Variants in HOATZ observed in about 807,000 individuals in gnomAD.
The protein encoded by HOATZ is cilia- and flagella-associated protein HOATZ.
A neutral mutation model predicts 24.9 loss-of-function variants in HOATZ; 26 were observed. The observed-to-expected ratio is 1.04, with a 90% confidence interval of 0.76 to 1.45. The LOEUF (loss-of-function observed/expected upper bound fraction) is 1.45. Ranked by LOEUF, HOATZ falls within the 40% of genes most tolerant of loss-of-function variation. The pLI is 0.00. For missense variants in HOATZ, 226 were observed against 201.5 expected, an observed-to-expected ratio of 1.12 and a Z score of -0.74; for synonymous variants, 83 against 76.6, an observed-to-expected ratio of 1.08 and a Z score of -0.43.
At chr11:111,520,587 T>G (rs1470883544) in intron 3 of HOATZ, among the ~76,000 whole-genome samples, 1 of 152,250 alleles carries the variant, frequency 6.6e-6, no homozygotes, top group Middle Eastern at 3.2e-3. Context: ...CAAGTCATGC[T>G]ACAATGAGAA....
intron 3 of HOATZ, among the ~76,000 whole-genome samples, chr11:111,522,914 C>T (rs941954920): frequency 2.6e-5 from 4 of 152,044 alleles, no homozygotes; most frequent in African/African-American, 7.2e-5. Context: ...GGTGAAACCC[C>T]GTCTCTACTA....
intron 3 of HOATZ, among the ~76,000 whole-genome samples, 197 bp downstream of exon 3, chr11:111,516,307 T>C (rs1867198965): frequency 6.6e-6 from 1 of 152,042 alleles, no homozygotes; most frequent in Non-Finnish European, 1.5e-5. Flanking sequence ...TCAGCAAAAG[T>C]CCAAGAATGT....
rs763649488 is a variant in HOATZ, at chr11:111,516,085, A to C, written c.314A>C (p.Glu105Ala). The C allele has an allele frequency of 6.3e-7, 1 of 1,599,284 alleles. No homozygotes were observed. The highest frequency in any genetic ancestry group is 8.5e-7 in the Non-Finnish European group (1 of 1,171,330). The change falls in exon 3 of 6, where the codon GAG (glutamate) becomes GCG (alanine). Residue 105 changes from glutamate (E) to alanine (A), a missense_variant. Glu to Ala is a moderately radical substitution (Grantham distance 107, BLOSUM62 -1). Transcript: ENST00000375618. ...FAEALKIQES[E>A]EKVKYLQKAK... ...GAAGCCCTAAAGATACAGGAATCTG[A>C]GGAGAAAGTAAAGTATCTCCAAAAG...
chr11:111,534,755 A>C, intron 5 of HOATZ: 1 of 308,782 alleles, frequency 3.2e-6, no homozygotes, highest in Admixed American at 4.6e-5. Flanking sequence ...GGGCTATATA[A>C]TCACCCATCA....
Position 111,523,040 on chromosome 11 carries a change from G to A in HOATZ, c.339+6930G>A, listed in dbSNP as rs1482767386. Among the ~76,000 whole-genome samples the A allele has an allele frequency of 5.3e-5, 8 of 152,056 alleles. No homozygotes were observed. The South Asian group carries it at 1.2e-3, about 24-fold the overall frequency. On this transcript the variant is annotated intron_variant, in intron 3 of 5. Transcript: ENST00000375618. ...GCGGAGGTTGCAGTGAGCCAACATCGCGCCATTTAGCCTGGGCAACAAGAG... is the reference window on the plus strand; with the variant it reads ...GCGGAGGTTGCAGTGAGCCAACATCACGCCATTTAGCCTGGGCAACAAGAG...
intron 2 of HOATZ, 50 bp downstream of exon 2, chr11:111,515,602 A>C: frequency 6.9e-7 from 1 of 1,451,546 alleles, no homozygotes; most frequent in Admixed American, 1.7e-5. Flanking sequence ...TAGGTTCATC[A>C]GAAAATAGAC....
At chr11:111,530,932 T>C (rs1470302333) in intron 3 of HOATZ, among the ~76,000 whole-genome samples, 1 of 152,182 alleles carries the variant, frequency 6.6e-6, no homozygotes, top group Non-Finnish European at 1.5e-5. Flanking sequence ...AGAAATCAGA[T>C]CATATTTGAA....
rs1867457984 is a variant in HOATZ, at chr11:111,537,026, C to T, written c.*199C>T. 7.6e-6 allele frequency: 4 copies of T among 528,826 alleles called. No individual in the cohort carries two copies. The highest frequency in any genetic ancestry group is 5.7e-5 in the African/African-American group (3 of 52,820). The allele number at this position is 528,826 out of a possible 1,614,324, so 32.8% of individuals were successfully genotyped here. ...AAGAAATAAAGGTTAAATATGCAGGCTTCTATGAATTCTACCAGCTATTGA... is the reference window on the plus strand; with the variant it reads ...AAGAAATAAAGGTTAAATATGCAGGTTTCTATGAATTCTACCAGCTATTGA... On this transcript the variant is annotated 3_prime_UTR_variant, in exon 6 of 6. Coordinates refer to ENST00000375618, the MANE Select transcript of HOATZ (RefSeq NM_001100388.2).
At chr11:111,515,681 A>G in intron 2 of HOATZ, 129 bp downstream of exon 2, 1 of 763,666 alleles carries the variant, frequency 1.3e-6, no homozygotes, top group East Asian at 2.5e-5. Context: ...GTCCCTGCTC[A>G]GGGACCACCC....
intron 3 of HOATZ, among the ~76,000 whole-genome samples, chr11:111,518,847 C>T (rs901949541): frequency 7.9e-5 from 12 of 152,190 alleles, no homozygotes; most frequent in Non-Finnish European, 1.8e-4. Flanking sequence ...ACTCAAATGC[C>T]AGCTTCTGTG....
intron 3 of HOATZ, among the ~76,000 whole-genome samples, chr11:111,519,757 G>T (rs1391190459): frequency 6.6e-6 from 1 of 152,014 alleles, no homozygotes; most frequent in East Asian, 1.9e-4. Context: ...TAAATTCCAG[G>T]TATAATTTTC....
rs148507003 is a variant in HOATZ, at chr11:111,522,650, C to G, written c.339+6540C>G. 2.4e-4 allele frequency among the ~76,000 whole-genome samples: 36 copies of G among 152,288 alleles called. No individual in the cohort carries two copies. In the East Asian group the frequency reaches 6.7e-3, roughly 29 times the overall value. On this transcript the variant is annotated intron_variant, in intron 3 of 5. Transcript: ENST00000375618. ...GATACAGTCATTTGTCTAGTTGACT[C>G]TTCCCAAGCCACTTGGGCAGTTCCC...
In HOATZ at chr11:111,533,740, A is replaced by G; in HGVS notation, c.340-6A>G. The G allele has an allele frequency of 6.3e-7, 1 of 1,585,336 alleles. No homozygotes were observed. Among genetic ancestry groups the G allele is most frequent in the Non-Finnish European group, 8.5e-7 (1 of 1,171,550 alleles). On this transcript the variant is annotated splice_polypyrimidine_tract_variant and splice_region_variant and intron_variant, in intron 3 of 5. Coordinates refer to ENST00000375618, the MANE Select transcript of HOATZ (RefSeq NM_001100388.2). ...GAGACACCCACTTTTTTCTTTCTTT[A>G]AACAGGCTAAAACAAGAGAAGAGAT...
At chr11:111,535,179 T>C (rs1867437516) in intron 5 of HOATZ, 1 of 152,238 alleles carries the variant, frequency 6.6e-6, no homozygotes, top group African/African-American at 2.4e-5. Flanking sequence ...CCTTTAATGC[T>C]GTCAAAGTAA....
At chr11:111,526,165 C>T (rs549821217) in intron 3 of HOATZ, among the ~76,000 whole-genome samples, 10 of 152,228 alleles carry the variant, frequency 6.6e-5, no homozygotes, top group South Asian at 2.1e-4. Context: ...GAACAGGCAC[C>T]GCACATGTCA....
At chr11:111,521,457 T>C (rs1867268081) in intron 3 of HOATZ, among the ~76,000 whole-genome samples, 1 of 152,170 alleles carries the variant, frequency 6.6e-6, no homozygotes, top group Non-Finnish European at 1.5e-5. Flanking sequence ...AATCCTCTTT[T>C]GTGTCAAAAT....
At chr11:111,518,043 T>C (rs1488303945) in intron 3 of HOATZ, among the ~76,000 whole-genome samples, 2 of 152,184 alleles carry the variant, frequency 1.3e-5, no homozygotes, top group Non-Finnish European at 2.9e-5. Context: ...ATCTCAACCA[T>C]GCAGGCCAAG....
rs749791327 is a variant in HOATZ, at chr11:111,533,803, T to G, written c.397T>G (p.Ser133Ala). The change falls in exon 4 of 6, where the codon TCG becomes GCG. Residue 133 changes from serine (S) to alanine (A), a missense_variant and splice_region_variant. Coordinates refer to ENST00000375618, the MANE Select transcript of HOATZ (RefSeq NM_001100388.2). Reference sequence around the variant, plus strand: ...AAGAAAACAAAGAGAAGAAAGGATCTCGGTGAGACCAATAGTGAGGCATTT... The same window carrying G: ...AAGAAAACAAAGAGAAGAAAGGATCGCGGTGAGACCAATAGTGAGGCATTT... ...LLRKQREERI[S>A]KELISLPYKP... is the part of the protein sequence containing the mutation. 1.3e-6 allele frequency: 2 copies of G among 1,569,602 alleles called. No individual in the cohort carries two copies. The highest frequency in any genetic ancestry group is 1.7e-6 in the Non-Finnish European group (2 of 1,166,260).
Position 111,519,185 on chromosome 11 carries a change from T to G in HOATZ, c.339+3075T>G, listed in dbSNP as rs532488143. ...TTAATATCCTCCTCATAGAGTGATG[T>G]AAGGTATGTGAAGTGCCTGGCCACA... is the stretch of plus-strand genomic sequence containing the variant. On this transcript the variant is annotated intron_variant, in intron 3 of 5. Coordinates refer to ENST00000375618, the MANE Select transcript of HOATZ (RefSeq NM_001100388.2). The G allele has an allele frequency of 1.8e-5, 6 of 336,530 alleles. 1 individual carries two copies. Among genetic ancestry groups the G allele is most frequent in the South Asian group, 1.0e-4 (4 of 39,230 alleles). The allele number at this position is 336,530 out of a possible 1,614,324, so 20.8% of individuals were successfully genotyped here.
Sources: gnomAD v4.1 joint callset for allele counts (sites outside exome capture counted in the v4.1 genomes callset) on GRCh38, gnomAD v4.1.1 for gene constraint, MANE v1.5 for transcripts, NCBI Gene and HGNC (gene_info 2026-07-23, HGNC 2026-07-21) for gene names.